NWD1: variants seen among roughly 807,000 people sequenced by gnomAD.
NWD1 encodes NACHT and WD repeat domain containing 1.
NWD1 carries 129 observed loss-of-function variants against 135.1 expected under a neutral mutation model. The observed-to-expected ratio is 0.96, with a 90% confidence interval of 0.83 to 1.11. The LOEUF (loss-of-function observed/expected upper bound fraction) is 1.11. NWD1 is among the 50% of genes least tolerant of loss of function. The pLI, the probability that NWD1 is intolerant of heterozygous loss-of-function variation, is 0.00. For missense variants in NWD1, 1,740 were observed against 1,851.3 expected, an observed-to-expected ratio of 0.94 and a Z score of 1.10; for synonymous variants, 773 against 786.0, an observed-to-expected ratio of 0.98 and a Z score of 0.28.
chr19:16,725,035 G>T (rs1171564433), intron 2 of NWD1, among the ~76,000 whole-genome samples: 1 of 146,760 alleles, frequency 6.8e-6, no homozygotes, highest in African/African-American at 2.5e-5. Flanking sequence ...TTTTTGAGAC[G>T]GGGTCTCACT....
chr19:16,738,346 A>G, intron 4 of NWD1: 1 of 336,130 alleles, frequency 3.0e-6, no homozygotes, highest in Non-Finnish European at 6.3e-6. Context: ...AGGCAGGTGG[A>G]CAATTTGAGG....
At chr19:16,778,667 C>T (rs1969747989) in intron 11 of NWD1, among the ~76,000 whole-genome samples, 1 of 151,902 alleles carries the variant, frequency 6.6e-6, no homozygotes, top group South Asian at 2.1e-4. Context: ...CTTCACTATG[C>T]CTGGCTAATT....
At chr19:16,777,859 AAG>A (rs1222253718) in intron 11 of NWD1, among the ~76,000 whole-genome samples, 1 of 50,374 alleles carries the variant, frequency 2.0e-5, no homozygotes, top group African/African-American at 8.9e-5. Context: ...AAGGGAAGGG[AAG>A]AGGGGGGAAG....
chr19:16,749,773 A>G lies in NWD1; in HGVS notation c.1131A>G (p.Gln377=). The G allele has an allele frequency of 5.0e-6, 8 of 1,607,302 alleles. No homozygotes were observed. The highest frequency in any genetic ancestry group is 6.8e-6 in the Non-Finnish European group (8 of 1,176,296). Reference sequence around the variant, plus strand: ...TCCTGCGGCTGCTGGGGACGTCACAAATGAGCTCAGATGCCCGTGGCCTGC... The same window carrying G: ...TCCTGCGGCTGCTGGGGACGTCACAGATGAGCTCAGATGCCCGTGGCCTGC... The part of the protein sequence containing the change: ...VTVLRLLGTS[Q]MSSDARGLLK... The change falls in exon 6 of 19, where the codon CAA becomes CAG. Residue 377 remains glutamine, a synonymous_variant. Transcript: ENST00000524140.
At chr19:16,782,602 A>G (rs1316090918) in intron 12 of NWD1, among the ~76,000 whole-genome samples, 1 of 152,208 alleles carries the variant, frequency 6.6e-6, no homozygotes, top group Non-Finnish European at 1.5e-5. Context: ...TTGACAAGAT[A>G]CATAATATTA....
At chr19:16,784,535 G>C (rs1969971892) in intron 12 of NWD1, among the ~76,000 whole-genome samples, 1 of 152,114 alleles carries the variant, frequency 6.6e-6, no homozygotes, top group Admixed American at 6.6e-5. Context: ...CCAGGCACAG[G>C]GAGCAGCAAG....
At chr19:16,758,679 ATAG>A (rs777132410) in intron 6 of NWD1, among the ~76,000 whole-genome samples, 22 of 152,004 alleles carry the variant, frequency 1.4e-4, no homozygotes, top group Non-Finnish European at 2.4e-4. Flanking sequence ...TTCCCTCCCT[ATAG>A]TGTCTGTCTC....
rs375234481 is a variant in NWD1 at position 16,728,324 on chromosome 19, G to A, written c.-6-2868G>A. The stretch of plus-strand genomic sequence containing the variant: ...TTCTGAGATGGAGTCTCACTCTGTC[G>A]CCCAGGCTGGAGTGCAGTGGTGCGA... On this transcript the variant is annotated intron_variant, in intron 2 of 18. Coordinates refer to ENST00000524140, the MANE Select transcript of NWD1 (RefSeq NM_001007525.5). Among the ~76,000 whole-genome samples the A allele has an allele frequency of 4.1e-3, 555 of 133,826 alleles. 4 individuals are homozygous for A. Among genetic ancestry groups the A allele is most frequent in the African/African-American group, 0.015 (527 of 34,888 alleles). 87.8% of individuals were successfully genotyped at this position (133,826 alleles called of 152,430 possible). A position where few individuals can be genotyped will look rare whatever the true frequency, so the allele number is the denominator to read the frequency against.
chr19:16,744,376 G>A, intron 4 of NWD1, 45 bp from the exon 5 acceptor site: 1 of 1,517,840 alleles, frequency 6.6e-7, no homozygotes. Context: ...GACCTTGTCT[G>A]AAGAAAAAAA....
At chr19:16,802,889 G>A (rs1188601851) in intron 17 of NWD1, among the ~76,000 whole-genome samples, 1 of 149,468 alleles carries the variant, frequency 6.7e-6, no homozygotes, top group Non-Finnish European at 1.5e-5. Flanking sequence ...GGTGGCAATT[G>A]CAGTGAGCCA....
intron 12 of NWD1, among the ~76,000 whole-genome samples, chr19:16,788,072 T>C (rs1970110760): frequency 6.9e-6 from 1 of 144,406 alleles, no homozygotes; most frequent in South Asian, 2.2e-4. Flanking sequence ...CTACTAAAAA[T>C]ACAAAAAATT....
intron 4 of NWD1, chr19:16,738,124 T>C: frequency 2.7e-6 from 1 of 369,174 alleles, no homozygotes; most frequent in Non-Finnish European, 5.5e-6. Flanking sequence ...GTTTACACAT[T>C]GTTTAGCCCT....
intron 3 of NWD1, 121 bp from the exon 4 acceptor site, chr19:16,736,513 C>A: frequency 1.5e-6 from 1 of 664,912 alleles, no homozygotes; most frequent in Non-Finnish European, 2.7e-6. Context: ...CCAGACATCC[C>A]CCTACAGGAA....
Position 16,749,216 on chromosome 19 carries a change from A to C in NWD1, c.574A>C (p.Ile192Leu). Reference sequence around the variant, plus strand: ...GGGAGCCACCGTCTTCCTTAGAGAGATCCAAGACCTCCACAAACACATCCT... The same window carrying C: ...GGGAGCCACCGTCTTCCTTAGAGAGCTCCAAGACCTCCACAAACACATCCT... ...EQGATVFLRE[I>L]QDLHKHILED... The change falls in exon 6 of 19, where the codon ATC becomes CTC. Residue 192 changes from isoleucine (I) to leucine (L), a missense_variant. Transcript: ENST00000524140. 6.2e-7 allele frequency: 1 copy of C among 1,613,988 alleles called. No homozygotes were observed. Among genetic ancestry groups the C allele is most frequent in the Non-Finnish European group, 8.5e-7 (1 of 1,179,970 alleles).
intron 4 of NWD1, among the ~76,000 whole-genome samples, 178 bp from the exon 5 acceptor site, chr19:16,744,243 A>G (rs946856440): frequency 3.3e-5 from 5 of 152,010 alleles, no homozygotes; most frequent in African/African-American, 1.2e-4. Context: ...AAAAACTTAA[A>G]AATTAGCTGG....
intron 4 of NWD1, among the ~76,000 whole-genome samples, chr19:16,740,816 G>T (rs1160523565): frequency 6.6e-6 from 1 of 151,966 alleles, no homozygotes; most frequent in African/African-American, 2.4e-5. Context: ...TCCAAGTGTG[G>T]TTCTGGCATT....
At chr19:16,814,661 G>A (rs1159524689) in intron 18 of NWD1, among the ~76,000 whole-genome samples, 1 of 152,164 alleles carries the variant, frequency 6.6e-6, no homozygotes, top group Non-Finnish European at 1.5e-5. Flanking sequence ...GTTACAGATG[G>A]CTCAGAAGAT....
chr19:16,782,330 G>A (rs1188108629), intron 12 of NWD1, among the ~76,000 whole-genome samples: 1 of 150,836 alleles, frequency 6.6e-6, no homozygotes, highest in African/African-American at 2.4e-5. Flanking sequence ...GCCAGGCATG[G>A]TGGTGTGCAC....
Position 16,792,984 on chromosome 19 carries a change from G to A in NWD1, c.3213+1362G>A, listed in dbSNP as rs539776506. The stretch of plus-strand genomic sequence containing the variant: ...CATTTGAGCTTAGGAGGTGGAGGCT[G>A]CAGTGAGCCAAGATTGCACCACTGC... On this transcript the variant is annotated intron_variant, in intron 14 of 18. Transcript: ENST00000524140. Among the ~76,000 whole-genome samples the A allele has an allele frequency of 5.0e-4, 75 of 151,240 alleles. 1 individual carries two copies. The highest frequency in any genetic ancestry group is 1.7e-3 in the Admixed American group (26 of 15,124).
Sources: allele counts gnomAD v4.1 joint callset (sites outside exome capture counted in the v4.1 genomes callset), GRCh38; gene constraint gnomAD v4.1.1; transcripts MANE v1.5; gene names NCBI Gene and HGNC (gene_info 2026-07-23, HGNC 2026-07-21).